MYLK: variants seen among roughly 807,000 people sequenced by gnomAD.
MYLK encodes the protein myosin light chain kinase, smooth muscle.
MYLK carries 106 observed loss-of-function variants against 203.4 expected under a neutral mutation model. The ratio of observed to expected loss-of-function variants is 0.52; its 90% CI spans 0.45 to 0.61. The LOEUF (loss-of-function observed/expected upper bound fraction) is 0.61. MYLK is among the 20% of genes least tolerant of loss of function. The probability of loss-of-function intolerance (pLI) is 0.00; values close to 1 mark genes in which losing one functional copy is unlikely to be tolerated. For missense variants in MYLK, 2,072 were observed against 2,442.3 expected, an observed-to-expected ratio of 0.85 and a Z score of 3.20; for synonymous variants, 867 against 959.5, an observed-to-expected ratio of 0.90 and a Z score of 1.78.
chr3:123,813,654 A>G (rs1011482587), intron 3 of MYLK, among the ~76,000 whole-genome samples: 101 of 152,056 alleles, frequency 6.6e-4, no homozygotes, highest in African/African-American at 2.3e-3. Context: ...GGGATTACAG[A>G]CATGTGCGAC....
chr3:123,771,164 C>T (rs530422093), intron 4 of MYLK, among the ~76,000 whole-genome samples: 1 of 152,332 alleles, frequency 6.6e-6, no homozygotes, highest in African/African-American at 2.4e-5. Context: ...ATGAACTCAT[C>T]TATAAAACTA....
intron 3 of MYLK, among the ~76,000 whole-genome samples, chr3:123,825,374 CAA>C (rs779698220): frequency 6.6e-6 from 1 of 152,106 alleles, no homozygotes; most frequent in Non-Finnish European, 1.5e-5. Flanking sequence ...TCTCCCCTGC[CAA>C]GATTGTCTGG....
chr3:123,705,073 C>T (rs570829111), intron 16 of MYLK, among the ~76,000 whole-genome samples: 7 of 152,296 alleles, frequency 4.6e-5, no homozygotes, highest in African/African-American at 1.4e-4. Flanking sequence ...ACTACCCACC[C>T]ATACCTGCCT....
At chr3:123,652,769 C>G (rs573769873) in intron 24 of MYLK, among the ~76,000 whole-genome samples, 1 of 152,242 alleles carries the variant, frequency 6.6e-6, no homozygotes, top group Admixed American at 6.5e-5. Flanking sequence ...AGGAGGAGTA[C>G]AGTTCAAGAC....
rs532410566 is a variant in MYLK, at chr3:123,829,739, A to T, written c.-4+1809T>A. Among the ~76,000 whole-genome samples the T allele has an allele frequency of 1.5e-4, 23 of 152,370 alleles. No homozygotes were observed. The South Asian group carries it at 2.3e-3, about 15-fold the overall frequency. On this transcript the variant is annotated intron_variant, in intron 3 of 33. Coordinates refer to ENST00000360304, the MANE Select transcript of MYLK (RefSeq NM_053025.4). ...CACAACTATTATTTGTAAATTTTTT[A>T]AAATTAAATTAAATTTAAAAAATGT...
At position 123,737,396 on chromosome 3, in the gene MYLK, C is replaced by G; in HGVS notation, c.736G>C (p.Ala246Pro). The change falls in exon 8 of 34, where the codon GCT (alanine) becomes CCT (proline). Residue 246 changes from alanine (A) to proline (P), a missense_variant. Around this residue, in one of 3 missense-constraint regions of MYLK, gnomAD observed 683 missense variants for 643.8 expected, o/e 1.06. Transcript: ENST00000360304. ...TCGATACCTTGGATGGAAAGTTCAG[C>G]TGACATCGAGGCCTTCCCCGACCCG... ...VNGSGKASMS[A>P]ELSIQGLDSA... 1 of 1,614,178 alleles carries G rather than the reference C, an allele frequency of 6.2e-7. No individual in the cohort carries two copies. The highest frequency in any genetic ancestry group is 8.5e-7 in the Non-Finnish European group (1 of 1,180,030).
At chr3:123,813,332 G>T (rs2065624951) in intron 3 of MYLK, among the ~76,000 whole-genome samples, 1 of 152,180 alleles carries the variant, frequency 6.6e-6, no homozygotes, top group Non-Finnish European at 1.5e-5. Context: ...GGGAAAAGGA[G>T]CTCTTGGGTC....
chr3:123,799,218 C>T (rs1022759721), intron 3 of MYLK, among the ~76,000 whole-genome samples: 7 of 143,932 alleles, frequency 4.9e-5, no homozygotes, highest in African/African-American at 1.5e-4. Flanking sequence ...CTTGGGCCAA[C>T]GCCCACCTCT....
chr3:123,872,224 G>C (rs1361662020), intron 2 of MYLK, among the ~76,000 whole-genome samples: 1 of 152,182 alleles, frequency 6.6e-6, no homozygotes, highest in Non-Finnish European at 1.5e-5. Context: ...TGAGTAGAGA[G>C]TTGAATAAAG....
At chr3:123,782,261 T>C (rs962410999) in intron 4 of MYLK, among the ~76,000 whole-genome samples, 14 of 152,200 alleles carry the variant, frequency 9.2e-5, no homozygotes, top group African/African-American at 3.4e-4. Flanking sequence ...CCTCTTGGAA[T>C]ATGGAAATGG....
intron 2 of MYLK, among the ~76,000 whole-genome samples, chr3:123,867,882 C>T (rs978136317): frequency 7.9e-5 from 12 of 152,346 alleles, no homozygotes; most frequent in African/African-American, 2.9e-4. Flanking sequence ...CCCAACACCA[C>T]TCCTTCTTAT....
intron 3 of MYLK, among the ~76,000 whole-genome samples, chr3:123,796,111 T>C (rs182422246): frequency 6.6e-6 from 1 of 152,286 alleles, no homozygotes; most frequent in Admixed American, 6.5e-5. Flanking sequence ...TTCCCTGCAG[T>C]AGGTAGCAAT....
At chr3:123,817,471 T>G (rs571881563) in intron 3 of MYLK, among the ~76,000 whole-genome samples, 2 of 152,340 alleles carry the variant, frequency 1.3e-5, no homozygotes, top group South Asian at 4.1e-4. Flanking sequence ...GGATCAGATC[T>G]GCTCAGCCCA....
At chr3:123,712,773 C>T (rs2061746570) in intron 13 of MYLK, among the ~76,000 whole-genome samples, 1 of 152,200 alleles carries the variant, frequency 6.6e-6, no homozygotes, top group Non-Finnish European at 1.5e-5. Flanking sequence ...TACGGGGAGT[C>T]GTGGTATCAT....
At chr3:123,722,839 G>A (rs1297026859) in intron 12 of MYLK, among the ~76,000 whole-genome samples, 1 of 152,128 alleles carries the variant, frequency 6.6e-6, no homozygotes, top group East Asian at 1.9e-4. Flanking sequence ...GCAGTTAGGT[G>A]CGTTTCTTCT....
At chr3:123,650,958 G>T (rs1370605077) in intron 24 of MYLK, among the ~76,000 whole-genome samples, 1 of 152,184 alleles carries the variant, frequency 6.6e-6, no homozygotes, top group African/African-American at 2.4e-5. Context: ...GTGTGCATGG[G>T]CCCCAAACAG....
chr3:123,789,841 C>A (rs2064703991), intron 4 of MYLK, among the ~76,000 whole-genome samples: 1 of 152,126 alleles, frequency 6.6e-6, no homozygotes, highest in African/African-American at 2.4e-5. Flanking sequence ...TGAATGAATT[C>A]TTCGAGAATG....
intron 11 of MYLK, among the ~76,000 whole-genome samples, chr3:123,728,292 A>C (rs2062360427): frequency 6.6e-6 from 1 of 152,156 alleles, no homozygotes; most frequent in East Asian, 1.9e-4. Flanking sequence ...TGCTTGAGCC[A>C]GAAGTTTGAA....
intron 24 of MYLK, among the ~76,000 whole-genome samples, chr3:123,649,801 G>A (rs1053720965): frequency 1.2e-4 from 18 of 152,162 alleles, no homozygotes; most frequent in Admixed American, 9.8e-4. Flanking sequence ...ATATCACCAT[G>A]GTTCAAAGTG....
Sources: allele counts gnomAD v4.1 joint callset (sites outside exome capture counted in the v4.1 genomes callset), GRCh38; gene constraint gnomAD v4.1.1; regional missense constraint gnomAD v4.1.1; transcripts MANE v1.5; gene names NCBI Gene and HGNC (gene_info 2026-07-23, HGNC 2026-07-21).